The following RAB3D variants were observed in gnomAD, a reference collection of about 807,000 sequenced individuals.
The protein encoded by RAB3D is ras-related protein Rab-3D.
Under a neutral mutation model 19.3 loss-of-function variants are expected in RAB3D, and 17 were observed. The observed-to-expected ratio is 0.88, with a 90% CI of 0.60 to 1.32. The LOEUF is 1.32. Ranked by LOEUF, RAB3D falls within the 40% of genes most tolerant of loss-of-function variation. RAB3D has a pLI of 0.00. For missense variants in RAB3D, 223 were observed against 299.1 expected (o/e 0.75, Z 1.88); for synonymous variants, 103 against 119.9 (o/e 0.86, Z 0.92).
At chr19:11,335,421 G>T (rs764649357) in intron 4 of RAB3D, 26 bp downstream of exon 4, 1 of 1,613,144 alleles carries the variant, frequency 6.2e-7, no homozygotes, top group Non-Finnish European at 8.5e-7. Context: ...GGAGACCAGG[G>T]CCTGTGGCCC....
chr19:11,325,844 C>T (rs1392538461), intron 4 of RAB3D, among the ~76,000 whole-genome samples: 3 of 152,132 alleles, frequency 2.0e-5, no homozygotes, highest in Admixed American at 1.3e-4. Context: ...GAAGCTACGG[C>T]GGGAGGATCG....
At chr19:11,333,078 TTC>T (rs920682955) in intron 4 of RAB3D, among the ~76,000 whole-genome samples, 1 of 151,068 alleles carries the variant, frequency 6.6e-6, no homozygotes, top group Admixed American at 6.6e-5. Flanking sequence ...GGAGAAATAT[TTC>T]TTTTTTTTTT....
At position 11,334,634 on chromosome 19, in the gene RAB3D, A is replaced by T. The variant is rs544167639; in HGVS notation, c.472+813T>A. On this transcript the variant is annotated intron_variant, in intron 4 of 4. Transcript: ENST00000222120. ...CGAGACCCTATCTCCACGCAAAATTAAAAAAAAAGGCCAGGCATGGTGCCT... is the reference window on the plus strand; with the variant it reads ...CGAGACCCTATCTCCACGCAAAATTTAAAAAAAAGGCCAGGCATGGTGCCT... Among the ~76,000 whole-genome samples, 863 of 150,500 alleles carry T rather than the reference A, an allele frequency of 5.7e-3. 5 individuals are homozygous for T. The highest frequency in any genetic ancestry group is 9.7e-3 in the Non-Finnish European group (656 of 67,406).
At chr19:11,326,326 A>G (rs751420643) in intron 4 of RAB3D, among the ~76,000 whole-genome samples, 3 of 152,058 alleles carry the variant, frequency 2.0e-5, no homozygotes, top group Non-Finnish European at 4.4e-5. Context: ...GGCAGCAGTG[A>G]GCCATGATCA....
At position 11,337,331 on chromosome 19, in the gene RAB3D, G is replaced by T; in HGVS notation, c.69C>A (p.Phe23Leu). The T allele has an allele frequency of 1.2e-6, 2 of 1,614,194 alleles. No homozygotes were observed. The highest frequency in any genetic ancestry group is 1.1e-5 in the South Asian group (1 of 91,090). The change falls in exon 2 of 5, where the codon TTC (phenylalanine) becomes TTA (leucine). Residue 23 changes from phenylalanine to leucine, a missense_variant. Coordinates refer to ENST00000222120, the MANE Select transcript of RAB3D (RefSeq NM_004283.4). ...DAADQNFDYMFKLLLIGNSSV... is the reference protein window; with the variant it reads ...DAADQNFDYMLKLLLIGNSSV... The stretch of plus-strand genomic sequence containing the variant: ...TGCTGTTGCCTATCAGTAGCAGTTT[G>T]AACATATAGTCGAAGTTCTGATCTG...
rs1172819627 is a variant in RAB3D, at chr19:11,323,890, G to T, written c.*1508C>A. On this transcript the variant is annotated 3_prime_UTR_variant, in exon 5 of 5. Coordinates refer to ENST00000222120, the MANE Select transcript of RAB3D (RefSeq NM_004283.4). ...GTGTTGGTTGGTGTTTGGGAGCAAA[G>T]AAAAGGTGCTGCGCCCCTAGAGTTT... 1 of 152,282 alleles carries T rather than the reference G, an allele frequency of 6.6e-6. No individual in the cohort carries two copies. Among genetic ancestry groups the T allele is most frequent in the Non-Finnish European group, 1.5e-5 (1 of 68,104 alleles). The allele number at this position is 152,282 out of a possible 1,614,324, so 9.4% of individuals were successfully genotyped here.
intron 1 of RAB3D, among the ~76,000 whole-genome samples, chr19:11,337,731 C>T (rs1002970409): frequency 6.0e-5 from 9 of 150,972 alleles, no homozygotes; most frequent in African/African-American, 2.2e-4. Flanking sequence ...AGCGCAGTGG[C>T]GTGATCATAG....
At chr19:11,337,963 A>G (rs1483430777) in intron 1 of RAB3D, among the ~76,000 whole-genome samples, 1 of 151,878 alleles carries the variant, frequency 6.6e-6, no homozygotes, top group African/African-American at 2.4e-5. Flanking sequence ...ATGAGCCACC[A>G]CGCCCGACCT....
intron 4 of RAB3D, among the ~76,000 whole-genome samples, chr19:11,325,929 G>A (rs934395013): frequency 6.6e-6 from 1 of 151,930 alleles, no homozygotes; most frequent in African/African-American, 2.4e-5. Flanking sequence ...TTTTTAAAAA[G>A]TAGATGGGCG....
intron 4 of RAB3D, among the ~76,000 whole-genome samples, chr19:11,329,348 C>A (rs760544041): frequency 3.3e-5 from 5 of 152,030 alleles, no homozygotes; most frequent in Non-Finnish European, 7.4e-5. Context: ...GTGGCTCACA[C>A]CTGTAATCCC....
At position 11,326,268 on chromosome 19, in the gene RAB3D, C is replaced by A. The variant is rs944599043; in HGVS notation, c.473-683G>T. Among the ~76,000 whole-genome samples the A allele has an allele frequency of 2.0e-5, 3 of 151,732 alleles. No individual in the cohort carries two copies. In the East Asian group the frequency reaches 5.8e-4, roughly 29 times the overall value. ...TGGTGGCGTTCACCTGCAGTCTCAG[C>A]TACTCGGAAGGTTAAGGCAGGAGAA... On this transcript the variant is annotated intron_variant, in intron 4 of 4. Coordinates refer to ENST00000222120, the MANE Select transcript of RAB3D (RefSeq NM_004283.4).
At chr19:11,330,142 A>G (rs2080830662) in intron 4 of RAB3D, among the ~76,000 whole-genome samples, 1 of 152,214 alleles carries the variant, frequency 6.6e-6, no homozygotes, top group Non-Finnish European at 1.5e-5. Flanking sequence ...CTGGGGATCC[A>G]GGGCCCTGCC....
intron 4 of RAB3D, among the ~76,000 whole-genome samples, chr19:11,328,570 C>T (rs889884141): frequency 6.6e-6 from 1 of 152,040 alleles, no homozygotes; most frequent in African/African-American, 2.4e-5. Flanking sequence ...TTGCTTGAAC[C>T]CGGGAGGTGT....
At chr19:11,333,364 G>A (rs1353252305) in intron 4 of RAB3D, among the ~76,000 whole-genome samples, 3 of 152,134 alleles carry the variant, frequency 2.0e-5, no homozygotes, top group Non-Finnish European at 4.4e-5. Context: ...ACAAGCGTGA[G>A]CCACTGCGCC....
chr19:11,325,766 C>T (rs2147965527), intron 4 of RAB3D, among the ~76,000 whole-genome samples, 181 bp from the exon 5 acceptor site: 1 of 152,246 alleles, frequency 6.6e-6, no homozygotes, highest in East Asian at 1.9e-4. Flanking sequence ...GAATGATGAT[C>T]CTACCAATGA....
At chr19:11,338,254 G>A (rs1966916793) in intron 1 of RAB3D, among the ~76,000 whole-genome samples, 1 of 152,222 alleles carries the variant, frequency 6.6e-6, no homozygotes. Flanking sequence ...GAAACCCAGA[G>A]GCCTAGCAAA....
At chr19:11,337,093 CAA>C (rs893185437) in intron 2 of RAB3D, 77 bp downstream of exon 2, 3,849 of 1,007,752 alleles carry the variant, frequency 3.8e-3, no homozygotes, top group Non-Finnish European at 4.2e-3. Context: ...GACTCCGTCT[CAA>C]AAAAAAAAAA....
At chr19:11,326,929 T>A (rs2080817169) in intron 4 of RAB3D, 2 of 518,004 alleles carry the variant, frequency 3.9e-6, no homozygotes, top group Admixed American at 7.4e-5. Context: ...CTTTTAAGGT[T>A]CCTGAGGGTC....
chr19:11,329,924 T>C (rs534780766), intron 4 of RAB3D, among the ~76,000 whole-genome samples: 1 of 152,228 alleles, frequency 6.6e-6, no homozygotes, highest in South Asian at 2.1e-4. Flanking sequence ...TCAAGTGATC[T>C]GCCCACTTCA....
Sources: allele counts gnomAD v4.1 joint callset (sites outside exome capture counted in the v4.1 genomes callset), GRCh38; gene constraint gnomAD v4.1.1; transcripts MANE v1.5; gene names NCBI Gene and HGNC (gene_info 2026-07-23, HGNC 2026-07-21).